EIF4B: variants seen among roughly 807,000 people sequenced by gnomAD.
The protein encoded by EIF4B is eukaryotic translation initiation factor 4B.
In EIF4B, 8 loss-of-function variants were observed where a neutral mutation model predicts 79.3. The observed-to-expected ratio is 0.10, with a 90% CI of 0.06 to 0.18. The LOEUF is 0.18. Ranked by LOEUF, EIF4B falls within the 10% of genes least tolerant of loss-of-function variation. EIF4B has a pLI of 1.00. For missense variants in EIF4B, 515 were observed against 792.4 expected (o/e 0.65, Z 4.20); for synonymous variants, 238 against 274.7 (o/e 0.87, Z 1.32).
chr12:53,025,707 GT>G (rs1943321893), intron 6 of EIF4B, among the ~76,000 whole-genome samples: 1 of 152,096 alleles, frequency 6.6e-6, no homozygotes, highest in South Asian at 2.1e-4. Flanking sequence ...ACATTAGCAT[GT>G]TCTTTAATAT....
chr12:53,035,393 G>A (rs1245089008), intron 10 of EIF4B, among the ~76,000 whole-genome samples: 5 of 150,092 alleles, frequency 3.3e-5, no homozygotes, highest in Admixed American at 6.7e-5. Flanking sequence ...TTTTGAGACC[G>A]AGTCTCGCTC....
intron 3 of EIF4B, among the ~76,000 whole-genome samples, chr12:53,019,435 A>ATTT (rs759250282): frequency 7.6e-5 from 3 of 39,464 alleles, no homozygotes; most frequent in Admixed American, 3.3e-4. Flanking sequence ...ATATATATAT[A>ATTT]TATTTTTTTT....
chr12:53,033,662 A>T (rs1468967948), intron 8 of EIF4B, 144 bp from the exon 9 acceptor site: 1 of 893,756 alleles, frequency 1.1e-6, no homozygotes, highest in African/African-American at 1.7e-5. Context: ...TTTTCTAATG[A>T]TCTATTTGCC....
rs1387168066 is a variant in EIF4B, at chr12:53,042,121, A to C, written c.*1898A>C. On this transcript the variant is annotated 3_prime_UTR_variant, in exon 15 of 15. Transcript: ENST00000262056. ...AAAATGATTTGTAATCTGTAGACTT[A>C]TTACCTGGGAGATGTCTTGATGTAA... The C allele has an allele frequency of 6.6e-6, 1 of 152,582 alleles. No homozygotes were observed. Among genetic ancestry groups the C allele is most frequent in the African/African-American group, 2.4e-5 (1 of 41,436 alleles). 9.5% of individuals were successfully genotyped at this position (152,582 alleles called of 1,614,324 possible). A position where few individuals can be genotyped will look rare whatever the true frequency, so the allele number is the denominator to read the frequency against.
At position 53,040,160 on chromosome 12, in the gene EIF4B, C is replaced by G. The variant is rs181115836; in HGVS notation, c.1773C>G (p.Ser591Arg). Residue 591 changes from serine to arginine, a missense_variant, in exon 15 of 15, where the codon AGC becomes AGG. By Grantham distance (110) the Ser-to-Arg change is moderately radical. Transcript: ENST00000262056. Reference sequence around the variant, plus strand: ...TGTTACAGAAGTTCAGTTCTGCAAGCAAGTATGCTGCTCTCTCTGTTGATG... The same window carrying G: ...TGTTACAGAAGTTCAGTTCTGCAAGGAAGTATGCTGCTCTCTCTGTTGATG... ...ENPASKFSSA[S>R]KYAALSVDGE... 1.4e-4 allele frequency: 225 copies of G among 1,614,160 alleles called. No homozygotes were observed. The highest frequency in any genetic ancestry group is 3.3e-4 in the Admixed American group (20 of 60,024).
intron 8 of EIF4B, 145 bp from the exon 9 acceptor site, chr12:53,033,661 G>C: frequency 1.1e-6 from 1 of 891,270 alleles, no homozygotes; most frequent in Non-Finnish European, 1.7e-6. Context: ...GTTTTCTAAT[G>C]ATCTATTTGC....
At chr12:53,013,918 T>C (rs557153465) in intron 1 of EIF4B, 1 of 152,144 alleles carries the variant, frequency 6.6e-6, no homozygotes, top group Non-Finnish European at 1.5e-5. Context: ...CCCAGCACTT[T>C]GGAAGGCTGA....
chr12:53,008,842 C>G (rs140750727), intron 1 of EIF4B, among the ~76,000 whole-genome samples: 112 of 152,156 alleles, frequency 7.4e-4, no homozygotes, highest in African/African-American at 2.6e-3. Flanking sequence ...GGAGACCAAC[C>G]TGACCAACAT....
chr12:53,019,132 C>G (rs1943195337), intron 3 of EIF4B, 126 bp downstream of exon 3: 1 of 1,167,134 alleles, frequency 8.6e-7, no homozygotes, highest in African/African-American at 1.5e-5. Flanking sequence ...GGAATGGTGG[C>G]TCACGCCTGT....
At chr12:53,038,311 C>T (rs1418193003) in intron 11 of EIF4B, 45 bp from the exon 12 acceptor site, 1 of 1,526,658 alleles carries the variant, frequency 6.6e-7, no homozygotes, top group Non-Finnish European at 8.8e-7. Context: ...TGGTTGTTTT[C>T]TCCCTGAAAC....
intron 2 of EIF4B, among the ~76,000 whole-genome samples, chr12:53,017,156 G>A (rs1943161691): frequency 6.6e-6 from 1 of 152,076 alleles, no homozygotes; most frequent in African/African-American, 2.4e-5. Context: ...GGGAGGCTGG[G>A]GCAGGAGAAT....
In EIF4B at chr12:53,028,195, G is replaced by A. The variant is rs1211807101; in HGVS notation, c.979+7G>A. ...TATAGGCGTGATGATAGAGGTAATA[G>A]TTTTCTTTTTACGTACTTCATGGAG... On this transcript the variant is annotated splice_region_variant and intron_variant, in intron 8 of 14. Transcript: ENST00000262056. 2 of 1,561,214 alleles carry A rather than the reference G, an allele frequency of 1.3e-6. No individual in the cohort carries two copies. Among genetic ancestry groups the A allele is most frequent in the Admixed American group, 2.1e-5 (1 of 48,530 alleles).
intron 1 of EIF4B, 67 bp from the exon 2 acceptor site, chr12:53,016,405 AT>A (rs1390796727): frequency 1.3e-6 from 2 of 1,581,792 alleles, no homozygotes; most frequent in East Asian, 4.5e-5. Flanking sequence ...GTTTTACAAT[AT>A]TGCATTGTAC....
At chr12:53,031,483 C>A (rs1315269355) in intron 8 of EIF4B, among the ~76,000 whole-genome samples, 1 of 152,108 alleles carries the variant, frequency 6.6e-6, no homozygotes, top group Non-Finnish European at 1.5e-5. Flanking sequence ...TCCACATTGC[C>A]CAGGCTGGTT....
At chr12:53,022,741 G>A (rs1943267158) in intron 6 of EIF4B, 114 bp downstream of exon 6, 1 of 1,315,580 alleles carries the variant, frequency 7.6e-7, no homozygotes, top group Non-Finnish European at 9.9e-7. Flanking sequence ...GAGGAAAGCA[G>A]ATTAAGAAAA....
intron 4 of EIF4B, among the ~76,000 whole-genome samples, chr12:53,020,953 C>T (rs1943238768): frequency 6.6e-6 from 1 of 152,072 alleles, no homozygotes; most frequent in Non-Finnish European, 1.5e-5. Context: ...TTGATGTTTA[C>T]TAGATTAACT....
Position 53,040,130 on chromosome 12 carries a change from C to A in EIF4B, c.1756-13C>A. On this transcript the variant is annotated splice_polypyrimidine_tract_variant and intron_variant, in intron 14 of 14. Transcript: ENST00000262056. ...AGGGCCTTCATTATCCTGTCACTCT[C>A]GTTGTGTTACAGAAGTTCAGTTCTG... The A allele has an allele frequency of 6.2e-7, 1 of 1,613,996 alleles. No homozygotes were observed. Among genetic ancestry groups the A allele is most frequent in the South Asian group, 1.1e-5 (1 of 91,064 alleles).
intron 8 of EIF4B, among the ~76,000 whole-genome samples, chr12:53,028,620 TC>T (rs1943381097): frequency 6.6e-6 from 1 of 151,916 alleles, no homozygotes; most frequent in Non-Finnish European, 1.5e-5. Flanking sequence ...CGAATTGTTT[TC>T]ATCTCATATG....
chr12:53,034,723 G>C lies in EIF4B; in HGVS notation c.1306+14G>C. On this transcript the variant is annotated intron_variant, in intron 10 of 14. Transcript: ENST00000262056. ...CATCTAGCAGAAGTAAGTCAGACCA[G>C]GGTGGGTATCGTGTTATTGCCGTTT... 1.2e-6 allele frequency: 2 copies of C among 1,614,008 alleles called. No individual in the cohort carries two copies. Among genetic ancestry groups the C allele is most frequent in the Non-Finnish European group, 8.5e-7 (1 of 1,179,886 alleles).
Sources: gnomAD v4.1 joint callset for allele counts (sites outside exome capture counted in the v4.1 genomes callset) on GRCh38, gnomAD v4.1.1 for gene constraint, MANE v1.5 for transcripts, NCBI Gene and HGNC (gene_info 2026-07-23, HGNC 2026-07-21) for gene names.